Variants in PDE12 observed in about 807,000 individuals in gnomAD.
PDE12 encodes the protein phosphodiesterase 12, also known as 2',5'-phosphodiesterase 12.
Under a neutral mutation model 45.4 loss-of-function variants are expected in PDE12, and 26 were observed. The ratio of observed to expected loss-of-function variants is 0.57; its 90% confidence interval spans 0.42 to 0.79. The LOEUF (loss-of-function observed/expected upper bound fraction) is 0.79, where lower values mean the gene tolerates loss of function less well. Ranked by LOEUF, PDE12 falls within the 30% of genes least tolerant of loss-of-function variation. The pLI, the probability that PDE12 is intolerant of heterozygous loss-of-function variation, is 0.00. For synonymous variants in PDE12, 283 were observed against 323.9 expected (o/e 0.87, Z 1.36); for missense variants, 668 against 790.0 (o/e 0.85, Z 1.85).
At chr3:57,644,091 A>G in the PDE12 span, among the ~76,000 whole-genome samples, 3 of 151,182 alleles carry the variant, frequency 2.0e-5, no homozygotes, top group Admixed American at 2.0e-4. Context: ...CGGAGGTTGC[A>G]GTAAACCAAG....
chr3:57,585,630 T>C, the PDE12 span, among the ~76,000 whole-genome samples: 1 of 151,200 alleles, frequency 6.6e-6, no homozygotes, highest in Non-Finnish European at 1.5e-5. Flanking sequence ...AAAGACCCTA[T>C]CACATTCATC....
the PDE12 span, among the ~76,000 whole-genome samples, chr3:57,607,165 A>G: frequency 1.3e-5 from 2 of 152,170 alleles, no homozygotes; most frequent in African/African-American, 4.8e-5. Flanking sequence ...GCAAACTCCA[A>G]CAGACCTGCA....
the PDE12 span, among the ~76,000 whole-genome samples, chr3:57,590,224 C>A: frequency 6.6e-6 from 1 of 151,934 alleles, no homozygotes; most frequent in Non-Finnish European, 1.5e-5. Flanking sequence ...CAGTGGCTCA[C>A]ACCTGTAATC....
the PDE12 span, among the ~76,000 whole-genome samples, chr3:57,618,616 T>G: frequency 1.6e-5 from 2 of 121,858 alleles, no homozygotes; most frequent in African/African-American, 5.8e-5. Context: ...TGTTTTTTTT[T>G]TTTTTTTTTT....
At chr3:57,591,853 G>C in the PDE12 span, among the ~76,000 whole-genome samples, 1 of 152,102 alleles carries the variant, frequency 6.6e-6, no homozygotes, top group Non-Finnish European at 1.5e-5. Flanking sequence ...TGAAGTGTCC[G>C]GAATAGATTA....
chr3:57,587,064 A>G, the PDE12 span, among the ~76,000 whole-genome samples: 781 of 152,276 alleles, frequency 5.1e-3, 1 homozygote, highest in Non-Finnish European at 7.8e-3. Context: ...CATGCCTGTA[A>G]TCACAGTACT....
the PDE12 span, chr3:57,597,965 A>T: frequency 1.3e-5 from 2 of 152,302 alleles, no homozygotes; most frequent in East Asian, 3.9e-4. Flanking sequence ...TTCGACCACC[A>T]CGCCAAGTGA....
the PDE12 span, among the ~76,000 whole-genome samples, chr3:57,573,193 C>G: frequency 1.5e-5 from 2 of 137,130 alleles, 1 homozygote; most frequent in South Asian, 5.3e-4. Context: ...CAGAGCAAGA[C>G]TCCATCTCAA....
rs1175551028 is a variant in PDE12 at position 57,560,615 on chromosome 3, C to T, written c.*611C>T. On this transcript the variant is annotated 3_prime_UTR_variant, in exon 3 of 3. Transcript: ENST00000311180. ...TGTTGGGATTACAGGCGTGAGCCAC[C>T]GCACCCGGCCCTTGTGTACATTTTT... 1.1e-5 allele frequency: 11 copies of T among 984,238 alleles called. No homozygotes were observed. Among genetic ancestry groups the T allele is most frequent in the African/African-American group, 8.7e-5 (5 of 57,198 alleles). 61.0% of individuals were successfully genotyped at this position (984,238 alleles called of 1,614,324 possible). A position where few individuals can be genotyped will look rare whatever the true frequency, so the allele number is the denominator to read the frequency against.
chr3:57,623,447 G>A, the PDE12 span, among the ~76,000 whole-genome samples: 37 of 152,340 alleles, frequency 2.4e-4, no homozygotes, highest in African/African-American at 8.7e-4. Context: ...GGGAGGCTGA[G>A]GCGGGTGGAT....
Position 57,560,518 on chromosome 3 carries a change from G to A in PDE12, c.*514G>A. 1 of 466,068 alleles carries A rather than the reference G, an allele frequency of 2.1e-6. No individual in the cohort carries two copies. Among genetic ancestry groups the A allele is most frequent in the South Asian group, 9.1e-5 (1 of 10,966 alleles). 28.9% of individuals were successfully genotyped at this position (466,068 alleles called of 1,614,324 possible). On this transcript the variant is annotated 3_prime_UTR_variant, in exon 3 of 3. Transcript: ENST00000311180. ...TTTTTGTATTTTTAGTAGAAATGGG[G>A]TTTCGCCACGTTGGCCAGGCTGGTC...
the PDE12 span, among the ~76,000 whole-genome samples, chr3:57,604,300 A>AT: frequency 6.6e-6 from 1 of 151,900 alleles, no homozygotes; most frequent in South Asian, 2.1e-4. Context: ...TAATCTACAA[A>AT]TTTTTTTTCT....
the PDE12 span, among the ~76,000 whole-genome samples, chr3:57,622,824 C>T: frequency 6.6e-6 from 1 of 152,248 alleles, no homozygotes; most frequent in Admixed American, 6.5e-5. Context: ...TCAAAGAAGT[C>T]AGACTCCCAT....
the PDE12 span, among the ~76,000 whole-genome samples, chr3:57,607,611 G>A: frequency 1.6e-4 from 25 of 152,264 alleles, no homozygotes; most frequent in African/African-American, 5.8e-4. Flanking sequence ...TTCAGTAGCC[G>A]ATTCGATCAA....
chr3:57,585,683 G>C, the PDE12 span, among the ~76,000 whole-genome samples: 3 of 98,766 alleles, frequency 3.0e-5, no homozygotes, highest in Non-Finnish European at 6.3e-5. Flanking sequence ...TTTTTTTTGA[G>C]ACAGAGTATC....
At chr3:57,606,130 A>T in the PDE12 span, among the ~76,000 whole-genome samples, 1 of 152,144 alleles carries the variant, frequency 6.6e-6, no homozygotes, top group Admixed American at 6.5e-5. Context: ...ACACGTATAG[A>T]TGCTTTACTA....
chr3:57,580,315 T>C, the PDE12 span, among the ~76,000 whole-genome samples: 1 of 152,206 alleles, frequency 6.6e-6, no homozygotes, highest in Non-Finnish European at 1.5e-5. Flanking sequence ...TGGCTTATCA[T>C]GGGCATTTAT....
the PDE12 span, chr3:57,641,507 A>T: frequency 2.2e-6 from 1 of 457,434 alleles, no homozygotes; most frequent in Non-Finnish European, 3.7e-6. Flanking sequence ...TGCATATTTT[A>T]GTGGGAAATT....
chr3:57,601,348 G>A, the PDE12 span, among the ~76,000 whole-genome samples: 252 of 151,962 alleles, frequency 1.7e-3, 4 homozygotes, highest in Admixed American at 0.015. Flanking sequence ...GACCTAGGTG[G>A]TCCACCCACC....
Sources: allele counts gnomAD v4.1 joint callset (sites outside exome capture counted in the v4.1 genomes callset), GRCh38; gene constraint gnomAD v4.1.1; transcripts MANE v1.5; gene names NCBI Gene and HGNC (gene_info 2026-07-23, HGNC 2026-07-21).